The following C6 variants were observed in gnomAD, a reference collection of about 807,000 sequenced individuals.
C6 encodes complement component C6.
Under a neutral mutation model 112.9 loss-of-function variants are expected in C6, and 101 were observed. That is an observed-to-expected ratio of 0.89 (90% CI 0.76 to 1.06). The LOEUF is 1.06. Ranked by LOEUF, C6 falls within the 50% of genes least tolerant of loss-of-function variation. The pLI is 0.00. For missense variants in C6, 1,202 were observed against 1,104.6 expected, an observed-to-expected ratio of 1.09 and a Z score of -1.25; for synonymous variants, 431 against 384.1, an observed-to-expected ratio of 1.12 and a Z score of -1.43.
In C6 at chr5:41,208,391, A is replaced by G. The variant is rs7729783; in HGVS notation, c.-21+4985T>C. ...AGATCAGAGCAGAACTGAAGGACAT[A>G]GAAACACAAAAAACCCTTCAAAAAA... is the stretch of plus-strand genomic sequence containing the variant. On this transcript the variant is annotated intron_variant, in intron 1 of 17. Coordinates refer to ENST00000337836, the MANE Select transcript of C6 (RefSeq NM_000065.5). Among the ~76,000 whole-genome samples the G allele has an allele frequency of 7.9e-3, 1,201 of 152,334 alleles. 18 individuals carry two copies. Among genetic ancestry groups the G allele is most frequent in the African/African-American group, 0.027 (1,125 of 41,582 alleles).
At chr5:41,172,102 T>C in intron 9 of C6, 123 bp downstream of exon 9, 1 of 1,005,548 alleles carries the variant, frequency 9.9e-7, no homozygotes. Flanking sequence ...CACACAGGGT[T>C]CTGAGGAAGA....
chr5:41,169,583 G>A (rs944136979), intron 9 of C6, among the ~76,000 whole-genome samples: 26 of 152,080 alleles, frequency 1.7e-4, no homozygotes, highest in African/African-American at 5.6e-4. Context: ...TTGGGTCACC[G>A]TTCCACAGGC....
chr5:41,150,365 G>C (rs1274154495), intron 15 of C6, among the ~76,000 whole-genome samples: 1 of 152,156 alleles, frequency 6.6e-6, no homozygotes, highest in East Asian at 1.9e-4. Context: ...AGTAGATTGA[G>C]CATAAACTGA....
chr5:41,169,775 T>G (rs577242694), intron 9 of C6, among the ~76,000 whole-genome samples: 1 of 152,168 alleles, frequency 6.6e-6, no homozygotes, highest in East Asian at 1.9e-4. Flanking sequence ...CAGGGAGGAA[T>G]TCTGCCCCAA....
chr5:41,173,676 C>T (rs781658440), intron 8 of C6, among the ~76,000 whole-genome samples: 1 of 152,010 alleles, frequency 6.6e-6, no homozygotes. Flanking sequence ...GTTTTTAGAG[C>T]TTGAGGTTCT....
intron 5 of C6, among the ~76,000 whole-genome samples, chr5:41,192,966 G>T (rs1750333401): frequency 6.6e-6 from 1 of 152,116 alleles, no homozygotes; most frequent in South Asian, 2.1e-4. Flanking sequence ...CATGGTGATG[G>T]TTATATAAGT....
At chr5:41,170,312 A>G (rs1262189363) in intron 9 of C6, among the ~76,000 whole-genome samples, 1 of 151,836 alleles carries the variant, frequency 6.6e-6, no homozygotes, top group Non-Finnish European at 1.5e-5. Flanking sequence ...TTTTTAAAGA[A>G]TTATATTTTG....
intron 5 of C6, among the ~76,000 whole-genome samples, chr5:41,188,915 A>G (rs1364292418): frequency 2.6e-5 from 4 of 152,082 alleles, no homozygotes; most frequent in Admixed American, 1.3e-4. Flanking sequence ...AAATGCTTGG[A>G]ACTAAATAAA....
chr5:41,144,680 A>G (rs374380129), intron 17 of C6, among the ~76,000 whole-genome samples: 6 of 152,268 alleles, frequency 3.9e-5, no homozygotes, highest in Non-Finnish European at 5.9e-5. Context: ...AGATTATTTC[A>G]TCACCCAGGT....
At chr5:41,254,567 G>A (rs1741566405) in intron 1 of C6, among the ~76,000 whole-genome samples, 1 of 152,270 alleles carries the variant, frequency 6.6e-6, no homozygotes, top group South Asian at 2.1e-4. Context: ...TAGCTACCAA[G>A]TGGAGAGTGA....
intron 15 of C6, chr5:41,152,846 G>A (rs3792910): frequency 1.3e-5 from 2 of 152,094 alleles, no homozygotes; most frequent in African/African-American, 4.8e-5. Flanking sequence ...ACACAGCCTT[G>A]CTCTATCACT....
chr5:41,225,506 T>G (rs1739432752), intron 1 of C6, among the ~76,000 whole-genome samples: 1 of 150,948 alleles, frequency 6.6e-6, no homozygotes, highest in African/African-American at 2.5e-5. Flanking sequence ...TTTGCTATTG[T>G]GAATAGTGCC....
chr5:41,148,401 C>T lies in C6; in HGVS notation c.2623+840G>A, dbSNP rs555642474. Reference sequence around the variant, plus strand: ...ATATTTTAAAAATTTGTAGTATATACGGGGCCACTCCTGAAATGTTCAAGA... The same window carrying T: ...ATATTTTAAAAATTTGTAGTATATATGGGGCCACTCCTGAAATGTTCAAGA... On this transcript the variant is annotated intron_variant, in intron 17 of 17. Coordinates refer to ENST00000337836, the MANE Select transcript of C6 (RefSeq NM_000065.5). Among the ~76,000 whole-genome samples, 11 of 152,214 alleles carry T rather than the reference C, an allele frequency of 7.2e-5. No individual in the cohort carries two copies. In the East Asian group the frequency reaches 1.7e-3, roughly 24 times the overall value.
At chr5:41,254,185 A>G (rs922163794) in intron 1 of C6, among the ~76,000 whole-genome samples, 15 of 152,148 alleles carry the variant, frequency 9.9e-5, no homozygotes, top group Non-Finnish European at 2.2e-4. Flanking sequence ...GTGGATCACT[A>G]GGTCAAGAGA....
At chr5:41,250,819 C>T (rs1034199122) in intron 1 of C6, among the ~76,000 whole-genome samples, 3 of 152,110 alleles carry the variant, frequency 2.0e-5, no homozygotes, top group Admixed American at 6.5e-5. Flanking sequence ...TTTCTTGCTA[C>T]CTCAGAAGCT....
At chr5:41,211,881 C>A (rs141825071) in intron 1 of C6, among the ~76,000 whole-genome samples, 20 of 152,228 alleles carry the variant, frequency 1.3e-4, no homozygotes, top group African/African-American at 4.8e-4. Context: ...ATTCTCAGTT[C>A]TCAGCAGACA....
At position 41,203,240 on chromosome 5, in the gene C6, G is replaced by C; in HGVS notation, c.-10C>G. The C allele has an allele frequency of 6.2e-7, 1 of 1,613,944 alleles. No individual in the cohort carries two copies. The highest frequency in any genetic ancestry group is 8.5e-7 in the Non-Finnish European group (1 of 1,179,844). On this transcript the variant is annotated 5_prime_UTR_variant, in exon 2 of 18. Transcript: ENST00000337836. ...CAGAGCGTCTGGCCATGCCTTGAGA[G>C]CCTCCAGGCCCTAAAATGAAAGAAT...
chr5:41,229,244 T>C lies in C6; in HGVS notation c.-20-25994A>G, dbSNP rs866623580. Among the ~76,000 whole-genome samples, 14 of 152,228 alleles carry C rather than the reference T, an allele frequency of 9.2e-5. No homozygotes were observed. In the South Asian group the frequency reaches 2.9e-3, roughly 32 times the overall value. On this transcript the variant is annotated intron_variant, in intron 1 of 17. Transcript: ENST00000263413. Reference sequence around the variant, plus strand: ...GCTAAGTTTGAGTTTAGTTTTTCTTTTTCTTGTTTCTTGAGGTGGAGTTTG... The same window carrying C: ...GCTAAGTTTGAGTTTAGTTTTTCTTCTTCTTGTTTCTTGAGGTGGAGTTTG...
chr5:41,233,885 T>G (rs562124952), intron 1 of C6, among the ~76,000 whole-genome samples: 1 of 152,226 alleles, frequency 6.6e-6, no homozygotes, highest in Non-Finnish European at 1.5e-5. Flanking sequence ...TTTATAAAAG[T>G]TTTTATTATT....
Sources: allele counts gnomAD v4.1 joint callset (sites outside exome capture counted in the v4.1 genomes callset), GRCh38; gene constraint gnomAD v4.1.1; transcripts MANE v1.5; gene names NCBI Gene and HGNC (gene_info 2026-07-23, HGNC 2026-07-21).